Variants in EDRF1 observed in about 807,000 individuals in gnomAD.
EDRF1 encodes the protein erythroid differentiation regulatory factor 1.
EDRF1 carries 69 observed loss-of-function variants against 148.7 expected under a neutral mutation model. The observed-to-expected ratio is 0.46, with a 90% CI of 0.38 to 0.57. The LOEUF (loss-of-function observed/expected upper bound fraction) is 0.57, where lower values mean the gene tolerates loss of function less well. Ranked by LOEUF, EDRF1 falls within the 20% of genes least tolerant of loss-of-function variation. The probability of loss-of-function intolerance (pLI) is 0.00; values close to 1 mark genes in which losing one functional copy is unlikely to be tolerated. For synonymous variants in EDRF1, 515 were observed against 532.8 expected, an observed-to-expected ratio of 0.97 and a Z score of 0.46; for missense variants, 1,118 against 1,478.7, an observed-to-expected ratio of 0.76 and a Z score of 4.00.
intron 6 of EDRF1, among the ~76,000 whole-genome samples, chr10:125,728,314 T>C (rs1410630920): frequency 1.3e-5 from 2 of 152,286 alleles, no homozygotes; most frequent in East Asian, 3.9e-4. Flanking sequence ...GCAGGATTAC[T>C]TATTATATAT....
In EDRF1 at chr10:125,723,271, A is replaced by G. The variant is rs1848091408; in HGVS notation, c.384+137A>G. On this transcript the variant is annotated intron_variant, in intron 3 of 24. Coordinates refer to ENST00000356792, the MANE Select transcript of EDRF1 (RefSeq NM_001202438.2). ...GAAATAAGATAAAACTTACCTGATT[A>G]TTGAGTATCTTTTTTGTTGTTAAAG... is the stretch of plus-strand genomic sequence containing the variant. 2.5e-5 allele frequency: 20 copies of G among 801,110 alleles called. 1 individual carries two copies. Among genetic ancestry groups the G allele is most frequent in the Non-Finnish European group, 4.2e-5 (19 of 452,890 alleles). 49.6% of individuals were successfully genotyped at this position (801,110 alleles called of 1,614,324 possible). A position where few individuals can be genotyped will look rare whatever the true frequency, so the allele number is the denominator to read the frequency against.
At chr10:125,754,625 T>G (rs1027746958) in intron 24 of EDRF1, among the ~76,000 whole-genome samples, 1 of 152,200 alleles carries the variant, frequency 6.6e-6, no homozygotes, top group Non-Finnish European at 1.5e-5. Flanking sequence ...CTGAGTCATC[T>G]TGTTGCGCTT....
In EDRF1 at chr10:125,723,186, G is replaced by A. The variant is rs1848088065; in HGVS notation, c.384+52G>A. ...ATTTTGGAGGTGTTTTGTGATAGGT[G>A]TTTTATATCATGCTGTGTTTTGCAT... On this transcript the variant is annotated intron_variant, in intron 3 of 24. Transcript: ENST00000356792. 18 of 1,457,662 alleles carry A rather than the reference G, an allele frequency of 1.2e-5. No individual in the cohort carries two copies. In the East Asian group the frequency reaches 4.1e-4, roughly 33 times the overall value. 90.3% of individuals were successfully genotyped at this position (1,457,662 alleles called of 1,614,324 possible).
intron 16 of EDRF1, 103 bp downstream of exon 16, chr10:125,740,754 T>C: frequency 7.5e-7 from 1 of 1,329,454 alleles, no homozygotes; most frequent in Non-Finnish European, 1.1e-6. Flanking sequence ...CTAGTAAATC[T>C]TTATTTTAAA....
intron 6 of EDRF1, among the ~76,000 whole-genome samples, chr10:125,728,208 G>A (rs1031462306): frequency 3.0e-5 from 4 of 131,644 alleles, no homozygotes; most frequent in Admixed American, 7.4e-5. Flanking sequence ...AAAAAAAAAA[G>A]TATTCCAGAG....
At chr10:125,751,404 G>GTTTTTTTTTTTTT (rs60964364) in intron 22 of EDRF1, among the ~76,000 whole-genome samples, 2 of 140,698 alleles carry the variant, frequency 1.4e-5, no homozygotes, top group Non-Finnish European at 3.0e-5. Context: ...TTTACCCAGT[G>GTTTTTTTTTTTTT]TTTTTTTTTT....
intron 3 of EDRF1, 23 bp from the exon 4 acceptor site, chr10:125,723,788 A>AT: frequency 6.2e-7 from 1 of 1,605,138 alleles, no homozygotes; most frequent in Non-Finnish European, 8.5e-7. Context: ...TTTCTAAACT[A>AT]TTTTTTCTCT....
At position 125,724,685 on chromosome 10, in the gene EDRF1, G is replaced by T. The variant is rs1423783763; in HGVS notation, c.511-633G>T. ...GCCTAGATTCTCAAATTGTATGTTG[G>T]TAAGGACTGTTTTTCCCACATGTTG... On this transcript the variant is annotated intron_variant, in intron 4 of 24. Coordinates refer to ENST00000356792, the MANE Select transcript of EDRF1 (RefSeq NM_001202438.2). 2.0e-5 allele frequency among the ~76,000 whole-genome samples: 3 copies of T among 152,144 alleles called. No individual in the cohort carries two copies. In the East Asian group the frequency reaches 5.8e-4, roughly 29 times the overall value.
At chr10:125,751,404 G>GTTTTTTTTTTTTTTTTTTT (rs60964364) in intron 22 of EDRF1, among the ~76,000 whole-genome samples, 5 of 140,700 alleles carry the variant, frequency 3.6e-5, no homozygotes, top group Admixed American at 7.0e-5. Context: ...TTTACCCAGT[G>GTTTTTTTTTTTTTTTTTTT]TTTTTTTTTT....
At position 125,719,840 on chromosome 10, in the gene EDRF1, TCCGCCGGCCGGGG is replaced by T. The variant is rs1847893101; in HGVS notation, c.40_52del (p.Ala14LeufsTer30). On this transcript the variant is annotated frameshift_variant, in exon 1 of 25. Transcript: ENST00000356792. LOFTEE classifies it high-confidence loss of function. ...ATGCCAAGGAGGCCGGAGCCGAGGG[TCCGCCGGCCGGGG>T]CCGCCGCTCGAGGAGGGCTCAGCCT... 6.2e-7 allele frequency: 1 copy of T among 1,611,884 alleles called. No individual in the cohort carries two copies. The highest frequency in any genetic ancestry group is 8.5e-7 in the Non-Finnish European group (1 of 1,179,522).
intron 9 of EDRF1, among the ~76,000 whole-genome samples, chr10:125,731,596 C>A (rs1388026870): frequency 2.0e-5 from 3 of 152,042 alleles, no homozygotes; most frequent in Non-Finnish European, 4.4e-5. Context: ...AGTTGGTAAT[C>A]TGGAATCAGA....
rs1850261577 is a variant in EDRF1 at position 125,763,118 on chromosome 10, T to G, written c.3546-183T>G. ...GATTTCATTGATGTATTGAAATAAA[T>G]GTGTAGAAACAGGCCCATGAGCAAT... On this transcript the variant is annotated intron_variant, in intron 24 of 24. Coordinates refer to ENST00000356792, the MANE Select transcript of EDRF1 (RefSeq NM_001202438.2). This position sits in a 1 kb window ranked among gnomAD's most constrained non-coding sequence, Gnocchi z 4.3. 6.6e-6 allele frequency among the ~76,000 whole-genome samples: 1 copy of G among 152,162 alleles called. No homozygotes were observed. The highest frequency in any genetic ancestry group is 2.4e-5 in the African/African-American group (1 of 41,432).
At chr10:125,760,632 A>C (rs1023720609) in intron 24 of EDRF1, among the ~76,000 whole-genome samples, 1 of 152,198 alleles carries the variant, frequency 6.6e-6, no homozygotes, top group Admixed American at 6.5e-5. Context: ...AACATCTATA[A>C]TTTTATTGTT....
intron 22 of EDRF1, 107 bp from the exon 23 acceptor site, chr10:125,752,692 C>A: frequency 1.4e-6 from 1 of 731,168 alleles, no homozygotes; most frequent in South Asian, 1.6e-5. Context: ...TTCTCATTAG[C>A]TTCCTTTATA....
At chr10:125,740,389 A>G in intron 15 of EDRF1, 74 bp from the exon 16 acceptor site, 1 of 1,486,026 alleles carries the variant, frequency 6.7e-7, no homozygotes, top group Admixed American at 1.8e-5. Flanking sequence ...ATCAAGAAAC[A>G]GAAAATATTT....
intron 24 of EDRF1, among the ~76,000 whole-genome samples, chr10:125,763,000 G>GC (rs1850257730): frequency 6.6e-6 from 1 of 152,064 alleles, no homozygotes; most frequent in Non-Finnish European, 1.5e-5. Flanking sequence ...ATTCCATAAG[G>GC]CAGGGGCTTC....
intron 15 of EDRF1, 116 bp downstream of exon 15, chr10:125,738,561 C>A: frequency 8.1e-7 from 1 of 1,238,330 alleles, no homozygotes; most frequent in Non-Finnish European, 1.2e-6. Context: ...AAAAAGATAT[C>A]CTGTGAACTG....
chr10:125,733,248 G>A (rs1848557925), intron 9 of EDRF1, among the ~76,000 whole-genome samples, 156 bp from the exon 10 acceptor site: 1 of 151,992 alleles, frequency 6.6e-6, no homozygotes, highest in Non-Finnish European at 1.5e-5. Context: ...TGGGAGGCTG[G>A]GGCAGAAAAA....
rs777464226 is a variant in EDRF1, at chr10:125,763,311, G to A, written c.3556G>A (p.Glu1186Lys). 6.2e-6 allele frequency: 10 copies of A among 1,612,584 alleles called. No homozygotes were observed. The highest frequency in any genetic ancestry group is 2.2e-5 in the East Asian group (1 of 44,894). Residue 1186 changes from glutamate to lysine, a missense_variant, in exon 25 of 25, where the codon GAA becomes AAA. Transcript: ENST00000356792. This position sits in a 1 kb window ranked among gnomAD's most constrained non-coding sequence, Gnocchi z 4.3. ...CTTTTTTAACCCTAGCAATAACATC[G>A]AAGATGACACAATTCTCAAAACCAA... ...STKKKTSNNI[E>K]DDTILKTNKH...
Sources: allele counts gnomAD v4.1 joint callset (sites outside exome capture counted in the v4.1 genomes callset), GRCh38; gene constraint gnomAD v4.1.1; non-coding constraint Gnocchi (gnomAD v3.1); transcripts MANE v1.5; gene names NCBI Gene and HGNC (gene_info 2026-07-23, HGNC 2026-07-21).